KDELR3: variants seen among roughly 807,000 people sequenced by gnomAD.
The protein encoded by KDELR3 is ER lumen protein-retaining receptor 3.
KDELR3 carries 26 observed loss-of-function variants against 22.7 expected under a neutral mutation model. That is an observed-to-expected ratio of 1.15 (90% CI 0.84 to 1.59). The LOEUF (loss-of-function observed/expected upper bound fraction) is 1.59, where lower values mean the gene tolerates loss of function less well. Ranked by LOEUF, KDELR3 falls within the 40% of genes most tolerant of loss-of-function variation. The pLI is 0.00. For missense variants in KDELR3, 289 were observed against 251.1 expected (o/e 1.15, Z -1.02); for synonymous variants, 120 against 98.2 (o/e 1.22, Z -1.31).
intron 3 of KDELR3, among the ~76,000 whole-genome samples, chr22:38,480,291 G>A (rs1263182571): frequency 2.0e-5 from 3 of 151,852 alleles, no homozygotes; most frequent in African/African-American, 4.8e-5. Flanking sequence ...TTATAGGCAC[G>A]AGCCACCACA....
chr22:38,481,465 G>GT lies in KDELR3; in HGVS notation c.604+2dup. The GT allele has an allele frequency of 6.2e-7, 1 of 1,614,126 alleles. No individual in the cohort carries two copies. The highest frequency in any genetic ancestry group is 8.5e-7 in the Non-Finnish European group (1 of 1,180,018). ...TTCTTCTACTTGTATGTGACCAAAG[G>GT]TAGGTCCTGGGATGACAGCAATGCT... is the stretch of plus-strand genomic sequence containing the variant. On this transcript the variant is annotated splice_donor_variant, in intron 4 of 4. Transcript: ENST00000216014. LOFTEE classifies it high-confidence loss of function.
chr22:38,474,716 C>A, intron 2 of KDELR3, 93 bp downstream of exon 2: 4 of 1,035,108 alleles, frequency 3.9e-6, no homozygotes, highest in Non-Finnish European at 4.5e-6. Flanking sequence ...TGGAGCCAGG[C>A]CGACCTGGGT....
intron 2 of KDELR3, among the ~76,000 whole-genome samples, chr22:38,478,535 A>AG (rs1491145336): frequency 1.9e-3 from 22 of 11,462 alleles, no homozygotes; most frequent in Admixed American, 3.3e-3. Context: ...ACTCCATCTC[A>AG]AAAAAAAAAA....
intron 1 of KDELR3, among the ~76,000 whole-genome samples, chr22:38,472,723 G>C (rs1034470594): frequency 4.6e-5 from 7 of 152,170 alleles, no homozygotes; most frequent in Admixed American, 1.3e-4. Flanking sequence ...TTTTAAGACA[G>C]AGTTTTGCTC....
chr22:38,482,693 C>A lies in KDELR3; in HGVS notation c.*157C>A. ...AAACCTGATCATCCCACCCAGAAGA[C>A]CTTCTCATCAATAGATCGCCCTTAA... On this transcript the variant is annotated 3_prime_UTR_variant, in exon 5 of 5. Transcript: ENST00000216014. 1.5e-6 allele frequency: 1 copy of A among 657,402 alleles called. No homozygotes were observed. The highest frequency in any genetic ancestry group is 2.7e-6 in the Non-Finnish European group (1 of 376,810). The allele number at this position is 657,402 out of a possible 1,614,324, so 40.7% of individuals were successfully genotyped here. A position where few individuals can be genotyped will look rare whatever the true frequency, so the allele number is the denominator to read the frequency against.
rs1413325783 is a variant in KDELR3, at chr22:38,481,278, A to C, written c.418A>C (p.Lys140Gln). Reference protein sequence around the residue: ...AILPQLFMISKTGEAETITTH... With the variant: ...AILPQLFMISQTGEAETITTH... ...CCTGCCCCAGCTCTTCATGATCAGC[A>C]AGACTGGAGAGGCTGAGACCATAAC... The change falls in exon 4 of 5, where the codon AAG becomes CAG. Residue 140 changes from lysine to glutamine, a missense_variant. By Grantham distance (53) the Lys-to-Gln change is moderately conservative (BLOSUM62 1). Coordinates refer to ENST00000216014, the MANE Select transcript of KDELR3 (RefSeq NM_006855.4). 1 of 1,614,054 alleles carries C rather than the reference A, an allele frequency of 6.2e-7. No homozygotes were observed. The highest frequency in any genetic ancestry group is 8.5e-7 in the Non-Finnish European group (1 of 1,180,046).
rs148490231 is a variant in KDELR3, at chr22:38,481,307, T to C, written c.447T>C (p.Thr149=). ...CTGGAGAGGCTGAGACCATAACTACTCACTACCTGTTCTTTCTGGGTCTGT... is the reference window on the plus strand; with the variant it reads ...CTGGAGAGGCTGAGACCATAACTACCCACTACCTGTTCTTTCTGGGTCTGT... The part of the protein sequence containing the change: ...SKTGEAETIT[T]HYLFFLGLYR... The change falls in exon 4 of 5, where the codon ACT becomes ACC. Residue 149 remains threonine (T), a synonymous_variant. Coordinates refer to ENST00000216014, the MANE Select transcript of KDELR3 (RefSeq NM_006855.4). The C allele has an allele frequency of 8.1e-5, 131 of 1,614,108 alleles. No individual in the cohort carries two copies. Among genetic ancestry groups the C allele is most frequent in the Non-Finnish European group, 1.1e-4 (127 of 1,180,046 alleles).
intron 2 of KDELR3, among the ~76,000 whole-genome samples, chr22:38,476,475 C>T (rs1160125436): frequency 6.6e-6 from 1 of 152,104 alleles, no homozygotes; most frequent in Non-Finnish European, 1.5e-5. Context: ...GCCTCGGCCT[C>T]CCGAAGTGCT....
At position 38,477,147 on chromosome 22, in the gene KDELR3, T is replaced by C. The variant is rs1448422534; in HGVS notation, c.193-2446T>C. Among the ~76,000 whole-genome samples the C allele has an allele frequency of 2.7e-5, 4 of 148,028 alleles. No homozygotes were observed. In the East Asian group the frequency reaches 8.0e-4, roughly 30 times the overall value. On this transcript the variant is annotated intron_variant, in intron 2 of 4. Transcript: ENST00000216014. ...TGTTAGCCAGGATGGTCTCCTGACC[T>C]CGTGATCTGCCCACCTCGGCCTCCC... is the stretch of plus-strand genomic sequence containing the variant.
At position 38,474,635 on chromosome 22, in the gene KDELR3, G is replaced by C. The variant is rs1335213208; in HGVS notation, c.192+12G>C. The C allele has an allele frequency of 6.2e-7, 1 of 1,603,616 alleles. No individual in the cohort carries two copies. Among genetic ancestry groups the C allele is most frequent in the Non-Finnish European group, 8.5e-7 (1 of 1,170,666 alleles). ...ACACAGTAATGAAGGTGAGGGGCTG[G>C]GTGATGATGGTTGGGGGAAGCCACC... On this transcript the variant is annotated intron_variant, in intron 2 of 4. Transcript: ENST00000216014.
At chr22:38,469,997 T>A (rs941070217) in intron 1 of KDELR3, among the ~76,000 whole-genome samples, 46 of 151,880 alleles carry the variant, frequency 3.0e-4, no homozygotes, top group African/African-American at 1.0e-3. Flanking sequence ...TTTTTGTATT[T>A]TTAGTAGAGA....
In KDELR3 at chr22:38,481,465, G is replaced by A. The variant is rs138454014; in HGVS notation, c.604+1G>A. On this transcript the variant is annotated splice_donor_variant, in intron 4 of 4. Coordinates refer to ENST00000216014, the MANE Select transcript of KDELR3 (RefSeq NM_006855.4). LOFTEE classifies it high-confidence loss of function. ...TTCTTCTACTTGTATGTGACCAAAG[G>A]TAGGTCCTGGGATGACAGCAATGCT... 6.2e-7 allele frequency: 1 copy of A among 1,614,008 alleles called. No individual in the cohort carries two copies. Among genetic ancestry groups the A allele is most frequent in the Non-Finnish European group, 8.5e-7 (1 of 1,180,026 alleles).
At chr22:38,474,441 A>G (rs549766859) in intron 1 of KDELR3, 82 bp from the exon 2 acceptor site, 5 of 1,118,108 alleles carry the variant, frequency 4.5e-6, no homozygotes, top group South Asian at 3.9e-5. Flanking sequence ...AGGCCTCCCC[A>G]GCTCCAGGCT....
At chr22:38,480,053 T>TTC (rs1274554109) in intron 3 of KDELR3, among the ~76,000 whole-genome samples, 2 of 152,164 alleles carry the variant, frequency 1.3e-5, no homozygotes, top group Non-Finnish European at 2.9e-5. Context: ...GCCCAGAAAT[T>TTC]TCAACTCAGT....
At chr22:38,472,369 C>T (rs187330655) in intron 1 of KDELR3, among the ~76,000 whole-genome samples, 210 of 151,812 alleles carry the variant, frequency 1.4e-3, no homozygotes, top group African/African-American at 4.6e-3. Flanking sequence ...CCCAGCCACC[C>T]GGGAGGCTGA....
chr22:38,478,211 C>T (rs1410763260), intron 2 of KDELR3, among the ~76,000 whole-genome samples: 4 of 151,416 alleles, frequency 2.6e-5, no homozygotes, highest in African/African-American at 9.8e-5. Flanking sequence ...TGTGGTCCTG[C>T]TCCGGCAGTA....
rs776582748 is a variant in KDELR3, at chr22:38,468,296, G to A, written c.63G>A (p.Gly21=). The change falls in exon 1 of 5, where the codon GGG becomes GGA. Residue 21 remains glycine, a synonymous_variant. Coordinates refer to ENST00000216014, the MANE Select transcript of KDELR3 (RefSeq NM_006855.4). ...TCCTGGCCATGATCTTGCTGCTGGGGAAGATCTGGAGGTCCAAGTGCTGCA... is the reference window on the plus strand; with the variant it reads ...TCCTGGCCATGATCTTGCTGCTGGGAAAGATCTGGAGGTCCAAGTGCTGCA... The part of the protein sequence containing the change: ...SHLLAMILLL[G]KIWRSKCCKG... 1.9e-6 allele frequency: 3 copies of A among 1,613,752 alleles called. No individual in the cohort carries two copies. The highest frequency in any genetic ancestry group is 4.5e-5 in the East Asian group (2 of 44,868).
intron 1 of KDELR3, among the ~76,000 whole-genome samples, chr22:38,473,043 C>T (rs913757465): frequency 6.6e-6 from 1 of 152,136 alleles, no homozygotes; most frequent in Non-Finnish European, 1.5e-5. Context: ...ATGTGGGATT[C>T]TCTGTACTGT....
chr22:38,479,185 A>G (rs555534131), intron 2 of KDELR3, among the ~76,000 whole-genome samples: 1 of 145,718 alleles, frequency 6.9e-6, no homozygotes, highest in Non-Finnish European at 1.5e-5. Flanking sequence ...GGCAACATTT[A>G]AAAAAAAAAA....
Sources: gnomAD v4.1 joint callset for allele counts (sites outside exome capture counted in the v4.1 genomes callset) on GRCh38, gnomAD v4.1.1 for gene constraint, MANE v1.5 for transcripts, NCBI Gene and HGNC (gene_info 2026-07-23, HGNC 2026-07-21) for gene names.